SLC30A8: variants seen among roughly 807,000 people sequenced by gnomAD.
The protein encoded by SLC30A8 is proton-coupled zinc antiporter SLC30A8.
SLC30A8 carries 27 observed loss-of-function variants against 36.9 expected under a neutral mutation model. That is an observed-to-expected ratio of 0.73 (90% CI 0.54 to 1.01). SLC30A8 has a LOEUF of 1.01. Among genes scored for constraint, SLC30A8 ranks in the 50% least tolerant of loss-of-function variants. The pLI is 0.00. For missense variants in SLC30A8, 439 were observed against 452.0 expected, an observed-to-expected ratio of 0.97 and a Z score of 0.26; for synonymous variants, 164 against 172.4, an observed-to-expected ratio of 0.95 and a Z score of 0.38.
chr8:116,993,150 G>T (rs1014435329), intron 1 of SLC30A8, among the ~76,000 whole-genome samples: 6 of 152,098 alleles, frequency 3.9e-5, no homozygotes, highest in Non-Finnish European at 7.3e-5. Context: ...ACTCTGAGAG[G>T]CTTAGTAGAG....
chr8:117,117,330 A>G (rs955990012), intron 2 of SLC30A8, among the ~76,000 whole-genome samples: 7 of 152,026 alleles, frequency 4.6e-5, no homozygotes, highest in Non-Finnish European at 8.8e-5. Flanking sequence ...TGGTAAATTC[A>G]TATACTCTAA....
At chr8:117,166,766 A>ATTTTTTTTTTTTTTTTT (rs71305462) in intron 6 of SLC30A8, among the ~76,000 whole-genome samples, 21 of 128,648 alleles carry the variant, frequency 1.6e-4, no homozygotes, top group East Asian at 7.1e-4. Flanking sequence ...ACATTAGCTG[A>ATTTTTTTTTTTTTTTTT]TTTTTTTTTT....
chr8:117,033,110 G>C (rs1398972340), intron 1 of SLC30A8, among the ~76,000 whole-genome samples: 1 of 152,112 alleles, frequency 6.6e-6, no homozygotes, highest in Non-Finnish European at 1.5e-5. Flanking sequence ...GGTGGTACTT[G>C]GCATGACCAT....
At chr8:117,099,649 C>T (rs943061270) in intron 2 of SLC30A8, among the ~76,000 whole-genome samples, 3 of 152,080 alleles carry the variant, frequency 2.0e-5, no homozygotes, top group African/African-American at 4.8e-5. Flanking sequence ...AGGAGAGCCA[C>T]TAGCTTACAG....
intron 2 of SLC30A8, among the ~76,000 whole-genome samples, chr8:117,053,837 G>C (rs1371054773): frequency 6.6e-6 from 1 of 152,158 alleles, no homozygotes; most frequent in African/African-American, 2.4e-5. Flanking sequence ...AAAACTACCA[G>C]CATATTTGAT....
chr8:116,973,216 G>A (rs1191257357), intron 1 of SLC30A8, among the ~76,000 whole-genome samples: 1 of 152,086 alleles, frequency 6.6e-6, no homozygotes, highest in African/African-American at 2.4e-5. Context: ...ATAAATGTAT[G>A]GTTTTTATAA....
intron 2 of SLC30A8, among the ~76,000 whole-genome samples, chr8:117,048,713 G>T (rs1284903493): frequency 6.6e-6 from 1 of 152,160 alleles, no homozygotes. Context: ...ATAGCCTGCA[G>T]AAGTGCCTGG....
chr8:117,127,107 G>GT (rs140295184), intron 2 of SLC30A8, among the ~76,000 whole-genome samples: 1,998 of 152,070 alleles, frequency 0.013, 41 homozygotes, highest in African/African-American at 0.045. Flanking sequence ...CTGTCCTTGG[G>GT]TTTTTGTTTA....
rs554928144 is a variant in SLC30A8 at position 117,057,837 on chromosome 8, G to T, written c.-226+18579G>T. On this transcript the variant is annotated intron_variant, in intron 2 of 10. Transcript: ENST00000427715. ...TCATATCTTGGCTATTGTGAATAAT[G>T]CTGTAGTAAACACGGGAGTGCCGAT... Among the ~76,000 whole-genome samples the T allele has an allele frequency of 9.2e-5, 14 of 152,286 alleles. 1 individual carries two copies. In the South Asian group the frequency reaches 2.5e-3, roughly 27 times the overall value.
intron 1 of SLC30A8, among the ~76,000 whole-genome samples, chr8:117,021,832 G>A (rs142199857): frequency 0.01 from 1,544 of 152,170 alleles, 23 homozygotes; most frequent in African/African-American, 0.034. Flanking sequence ...GAACAGAATA[G>A]GAGAGCCCAG....
intron 1 of SLC30A8, among the ~76,000 whole-genome samples, chr8:116,964,431 T>C (rs1814530170): frequency 6.6e-6 from 1 of 152,124 alleles, no homozygotes; most frequent in Non-Finnish European, 1.5e-5. Flanking sequence ...GAAAAACAAA[T>C]TTGAACTATT....
chr8:117,134,331 C>T (rs1473459223), upstream of SLC30A8, among the ~76,000 whole-genome samples: 1 of 151,994 alleles, frequency 6.6e-6, no homozygotes, highest in African/African-American at 2.4e-5. Flanking sequence ...CTTTCTCTAC[C>T]GTTGTGTACA....
Position 117,176,109 on chromosome 8 carries a change from C to G in SLC30A8, c.*3428C>G, listed in dbSNP as rs890681914. On this transcript the variant is annotated 3_prime_UTR_variant, in exon 8 of 8. Coordinates refer to ENST00000456015, the MANE Select transcript of SLC30A8 (RefSeq NM_173851.3). Reference sequence around the variant, plus strand: ...TCATGTAGCCTCAACTTTCTCTGACCGGGTGCATTTCTTTCTCTGGTTTCT... The same window carrying G: ...TCATGTAGCCTCAACTTTCTCTGACGGGGTGCATTTCTTTCTCTGGTTTCT... 6.6e-6 allele frequency: 1 copy of G among 152,012 alleles called. No individual in the cohort carries two copies. 9.4% of individuals were successfully genotyped at this position (152,012 alleles called of 1,614,324 possible).
chr8:116,955,371 A>T (rs1814157275), intron 1 of SLC30A8, among the ~76,000 whole-genome samples: 1 of 152,168 alleles, frequency 6.6e-6, no homozygotes, highest in Non-Finnish European at 1.5e-5. Context: ...ACACAAAAAG[A>T]TACACAGAGA....
In SLC30A8 at chr8:117,172,849, T is replaced by G. The variant is rs1413349861; in HGVS notation, c.*168T>G. 2 of 733,294 alleles carry G rather than the reference T, an allele frequency of 2.7e-6. No individual in the cohort carries two copies. Among genetic ancestry groups the G allele is most frequent in the Non-Finnish European group, 4.5e-6 (2 of 448,790 alleles). 45.4% of individuals were successfully genotyped at this position (733,294 alleles called of 1,614,324 possible). A position where few individuals can be genotyped will look rare whatever the true frequency, so the allele number is the denominator to read the frequency against. ...CCATTCACCATGAAGGAAGAGGCAC[T>G]GAGATCCATCAATCAATTGGATTAT... On this transcript the variant is annotated 3_prime_UTR_variant, in exon 8 of 8. Transcript: ENST00000456015.
chr8:116,987,750 C>T (rs1316660749), intron 1 of SLC30A8, among the ~76,000 whole-genome samples: 1 of 152,098 alleles, frequency 6.6e-6, no homozygotes, highest in Non-Finnish European at 1.5e-5. Context: ...GGTTGGAGTG[C>T]AGTGGCACGA....
At chr8:117,060,267 A>G (rs918964227) in intron 2 of SLC30A8, among the ~76,000 whole-genome samples, 12 of 152,134 alleles carry the variant, frequency 7.9e-5, no homozygotes, top group African/African-American at 2.9e-4. Flanking sequence ...AGGGGTCTGC[A>G]CAGAGTTCAG....
chr8:116,962,991 A>T (rs1208068353), intron 1 of SLC30A8, among the ~76,000 whole-genome samples: 1 of 151,858 alleles, frequency 6.6e-6, no homozygotes, highest in Non-Finnish European at 1.5e-5. Flanking sequence ...AAGTCAGCAA[A>T]GTTATGATGT....
At chr8:117,169,234 C>A (rs956814740) in intron 6 of SLC30A8, among the ~76,000 whole-genome samples, 7 of 152,132 alleles carry the variant, frequency 4.6e-5, no homozygotes, top group African/African-American at 1.7e-4. Flanking sequence ...TCAGCTCATG[C>A]TGTAGGGAAT....
Sources: allele counts gnomAD v4.1 joint callset (sites outside exome capture counted in the v4.1 genomes callset), GRCh38; gene constraint gnomAD v4.1.1; transcripts MANE v1.5; gene names NCBI Gene and HGNC (gene_info 2026-07-23, HGNC 2026-07-21).